Variants in DPP6 observed in about 807,000 individuals in gnomAD.
The protein encoded by DPP6 is A-type potassium channel modulatory protein DPP6.
A neutral mutation model predicts 122.6 loss-of-function variants in DPP6; 69 were observed. The ratio of observed to expected loss-of-function variants is 0.56; its 90% CI spans 0.46 to 0.69. DPP6 has a LOEUF of 0.69. DPP6 is among the 30% of genes least tolerant of loss of function. DPP6 has a pLI of 0.00. For missense variants in DPP6, 928 were observed against 1,116.9 expected, an observed-to-expected ratio of 0.83 and a Z score of 2.41; for synonymous variants, 418 against 433.1, an observed-to-expected ratio of 0.97 and a Z score of 0.43.
In DPP6 at chr7:154,566,749, T is replaced by C. The variant is rs536616367; in HGVS notation, c.553-93T>C. On this transcript the variant is annotated intron_variant, in intron 4 of 25. Coordinates refer to ENST00000377770, the MANE Select transcript of DPP6 (RefSeq NM_130797.4). ...ATAGCCATTTTAATAGCTAATTAAT[T>C]TTGAAAATGGCACCAGCAGATACAA... is the stretch of plus-strand genomic sequence containing the variant. The C allele has an allele frequency of 3.1e-5, 22 of 699,340 alleles. No homozygotes were observed. In the African/African-American group the frequency reaches 4.1e-4, roughly 13 times the overall value. The allele number at this position is 699,340 out of a possible 1,614,324, so 43.3% of individuals were successfully genotyped here.
At chr7:154,140,124 G>T (rs151188465) in intron 1 of DPP6, among the ~76,000 whole-genome samples, 2 of 152,036 alleles carry the variant, frequency 1.3e-5, no homozygotes, top group African/African-American at 4.8e-5. Context: ...CCCCTACATC[G>T]CTCTTTCATG....
chr7:154,300,677 G>A (rs1210949683), intron 1 of DPP6, among the ~76,000 whole-genome samples: 1 of 152,048 alleles, frequency 6.6e-6, no homozygotes, highest in African/African-American at 2.4e-5. Context: ...GTGGGGTTGG[G>A]GCAAGGGCTT....
At chr7:153,785,835 CG>C in the DPP6 span, among the ~76,000 whole-genome samples, 1 of 150,660 alleles carries the variant, frequency 6.6e-6, no homozygotes, top group African/African-American at 2.4e-5. Flanking sequence ...TTCCTTTTTT[CG>C]TTTTTAGAGA....
Position 153,951,935 on chromosome 7 carries a change from C to T in DPP6, c.51+64201C>T, listed in dbSNP as rs560172481. 7.2e-5 allele frequency among the ~76,000 whole-genome samples: 11 copies of T among 152,100 alleles called. No homozygotes were observed. In the South Asian group the frequency reaches 1.0e-3, roughly 14 times the overall value. The stretch of plus-strand genomic sequence containing the variant: ...GTGCATGCCTGTAGTCCCAGCTACT[C>T]GGGAGGCTGAGGCAGGAGAATCACA... On this transcript the variant is annotated intron_variant, in intron 1 of 25. Coordinates refer to the DPP6 transcript ENST00000404039.
intron 1 of DPP6, among the ~76,000 whole-genome samples, chr7:153,901,488 G>A (rs571046421): frequency 6.6e-6 from 1 of 152,326 alleles, no homozygotes; most frequent in African/African-American, 2.4e-5. Flanking sequence ...AGTTTGGTTA[G>A]AAGAGGAAAT....
intron 1 of DPP6, among the ~76,000 whole-genome samples, chr7:154,078,375 C>T (rs1803724021): frequency 6.6e-6 from 1 of 151,992 alleles, no homozygotes; most frequent in South Asian, 2.1e-4. Context: ...CACACACACA[C>T]ACACACACAC....
rs112291995 is a variant in DPP6 at position 154,628,622 on chromosome 7, C to T, written c.628-9199C>T. Reference sequence around the variant, plus strand: ...TTATGAGCTGGGTAGCTCTTGTCTCCGCCCACATTATTAGAGATGAGCTCG... The same window carrying T: ...TTATGAGCTGGGTAGCTCTTGTCTCTGCCCACATTATTAGAGATGAGCTCG... On this transcript the variant is annotated intron_variant, in intron 5 of 25. Transcript: ENST00000377770. Among the ~76,000 whole-genome samples the T allele has an allele frequency of 6.8e-3, 1,031 of 152,238 alleles. 12 individuals carry two copies. The highest frequency in any genetic ancestry group is 0.024 in the African/African-American group (980 of 41,550).
intron 16 of DPP6, among the ~76,000 whole-genome samples, chr7:154,814,006 G>A (rs1288693273): frequency 1.4e-5 from 2 of 147,990 alleles, no homozygotes; most frequent in Admixed American, 7.0e-5. Context: ...TCAGCCTCTT[G>A]AGTAGCTGGG....
chr7:154,067,608 T>A (rs1472155066), intron 1 of DPP6, among the ~76,000 whole-genome samples: 1 of 152,176 alleles, frequency 6.6e-6, no homozygotes. Flanking sequence ...AGGCCTCAGA[T>A]GACTTTTTTT....
intron 1 of DPP6, among the ~76,000 whole-genome samples, chr7:154,150,718 G>A (rs563251441): frequency 1.2e-4 from 18 of 152,336 alleles, no homozygotes; most frequent in African/African-American, 4.3e-4. Context: ...CTGATTCCTG[G>A]AGCGCTGGCC....
At chr7:153,922,456 A>G (rs1270805691) in intron 1 of DPP6, among the ~76,000 whole-genome samples, 2 of 152,196 alleles carry the variant, frequency 1.3e-5, no homozygotes, top group African/African-American at 4.8e-5. Context: ...CCGTGGTAGC[A>G]CCACTGTACT....
intron 16 of DPP6, among the ~76,000 whole-genome samples, chr7:154,809,761 A>G (rs1798929244): frequency 6.6e-6 from 1 of 152,200 alleles, no homozygotes; most frequent in Non-Finnish European, 1.5e-5. Flanking sequence ...AAAGAAAAAA[A>G]GTTTAAATCG....
the DPP6 span, among the ~76,000 whole-genome samples, chr7:153,823,976 T>C: frequency 2.5e-4 from 38 of 152,324 alleles, no homozygotes; most frequent in Middle Eastern, 3.4e-3. Flanking sequence ...TTTTGATTAT[T>C]CAAGGAGATG....
intron 3 of DPP6, among the ~76,000 whole-genome samples, chr7:154,535,386 A>AT (rs34372202): frequency 0.36 from 53,996 of 149,804 alleles, 10,857 homozygotes; most frequent in Admixed American, 0.49. Flanking sequence ...TTCACTTTAG[A>AT]TTTTTTTTTT....
intron 1 of DPP6, among the ~76,000 whole-genome samples, chr7:153,983,923 A>C (rs1362803810): frequency 3.3e-5 from 5 of 151,582 alleles, no homozygotes; most frequent in Admixed American, 6.6e-5. Context: ...CCTCAGTTGG[A>C]AATGCAGAAA....
chr7:153,982,810 C>T (rs1796655665), intron 1 of DPP6, among the ~76,000 whole-genome samples: 1 of 152,218 alleles, frequency 6.6e-6, no homozygotes, highest in African/African-American at 2.4e-5. Flanking sequence ...ACCTCTTCTG[C>T]AGGTCTGCTG....
intron 16 of DPP6, among the ~76,000 whole-genome samples, chr7:154,816,998 C>T (rs1304414853): frequency 6.6e-6 from 1 of 152,224 alleles, no homozygotes; most frequent in African/African-American, 2.4e-5. Context: ...TTAGCACCTG[C>T]CCGTTCCTTC....
chr7:153,934,517 A>G (rs1417875454), intron 1 of DPP6, among the ~76,000 whole-genome samples: 2 of 152,156 alleles, frequency 1.3e-5, no homozygotes, highest in African/African-American at 4.8e-5. Context: ...TAACTTCTGG[A>G]AGCTCATTAC....
intron 6 of DPP6, among the ~76,000 whole-genome samples, chr7:154,648,712 G>T (rs955335653): frequency 6.6e-6 from 1 of 152,136 alleles, no homozygotes; most frequent in Non-Finnish European, 1.5e-5. Flanking sequence ...AAGGTCAAGA[G>T]ATCAAGACCA....
Sources: allele counts gnomAD v4.1 joint callset (sites outside exome capture counted in the v4.1 genomes callset), GRCh38; gene constraint gnomAD v4.1.1; transcripts MANE v1.5; gene names NCBI Gene and HGNC (gene_info 2026-07-23, HGNC 2026-07-21).